Variants in ICE1 observed in about 807,000 individuals in gnomAD.
ICE1 encodes interactor of little elongation complex ELL subunit 1.
A neutral mutation model predicts 192.7 loss-of-function variants in ICE1; 64 were observed. The observed-to-expected ratio is 0.33, with a 90% CI of 0.27 to 0.41. ICE1 has a LOEUF of 0.41. Among genes scored for constraint, ICE1 ranks in the 10% least tolerant of loss-of-function variants. ICE1 has a pLI of 1.00. For missense variants in ICE1, 2,708 were observed against 2,696.0 expected (o/e 1.00, Z -0.10); for synonymous variants, 1,010 against 984.5 (o/e 1.03, Z -0.49).
At chr5:5,439,713 A>G (rs1236480488) in intron 3 of ICE1, among the ~76,000 whole-genome samples, 182 bp from the exon 4 acceptor site, 1 of 152,224 alleles carries the variant, frequency 6.6e-6, no homozygotes, top group Non-Finnish European at 1.5e-5. Flanking sequence ...AAATGGAAAT[A>G]ACTCAGTAAA....
At chr5:5,471,979 T>C (rs1251487598) in intron 15 of ICE1, among the ~76,000 whole-genome samples, 1 of 152,120 alleles carries the variant, frequency 6.6e-6, no homozygotes. Flanking sequence ...ATAAACCTTT[T>C]AAAAAAGCAT....
intron 14 of ICE1, among the ~76,000 whole-genome samples, chr5:5,468,434 G>A (rs1224220925): frequency 6.6e-6 from 1 of 152,174 alleles, no homozygotes; most frequent in Non-Finnish European, 1.5e-5. Flanking sequence ...GACAAAGAGT[G>A]TAGGAGAAAG....
At position 5,447,455 on chromosome 5, in the gene ICE1, C is replaced by T; in HGVS notation, c.453C>T (p.Phe151=). 6.4e-7 allele frequency: 1 copy of T among 1,552,816 alleles called. No homozygotes were observed. Among genetic ancestry groups the T allele is most frequent in the Non-Finnish European group, 8.7e-7 (1 of 1,147,530 alleles). The change falls in exon 8 of 19, where the codon TTC becomes TTT. Residue 151 remains phenylalanine (F), a synonymous_variant. Transcript: ENST00000296564. ...QEAAVKQTQD[F]KQLRNEKKIL... ...CTGCTGTCAAGCAAACTCAGGACTT[C>T]AAGCAACTGAGAAATGAAAAGAAAA... is the stretch of plus-strand genomic sequence containing the variant.
In ICE1 at chr5:5,468,895, A is replaced by G. The variant is rs763480316; in HGVS notation, c.6129A>G (p.Gln2043=). The change falls in exon 15 of 19, where the codon CAA becomes CAG. Residue 2043 remains glutamine (Q), a synonymous_variant. Coordinates refer to ENST00000296564, the MANE Select transcript of ICE1 (RefSeq NM_015325.3). ...ANMWHDIFLS[Q]SVINKAMQLV... ...TGTGGCATGATATATTTCTCTCTCA[A>G]TCGGTGATTAATAAAGCAATGCAGT... 8.1e-6 allele frequency: 13 copies of G among 1,606,878 alleles called. No individual in the cohort carries two copies. The African/African-American group carries it at 1.1e-4, about 13-fold the overall frequency.
chr5:5,456,463 T>G (rs976613590), intron 11 of ICE1, among the ~76,000 whole-genome samples: 9 of 152,248 alleles, frequency 5.9e-5, no homozygotes, highest in Non-Finnish European at 1.0e-4. Context: ...CATTTATTAC[T>G]TGTTTACATC....
chr5:5,436,478 T>C lies in ICE1; in HGVS notation c.143+2T>C. 1 of 1,457,044 alleles carries C rather than the reference T, an allele frequency of 6.9e-7. No homozygotes were observed. The highest frequency in any genetic ancestry group is 1.4e-5 in the South Asian group (1 of 69,942). 90.3% of individuals were successfully genotyped at this position (1,457,044 alleles called of 1,614,324 possible). On this transcript the variant is annotated splice_donor_variant, in intron 2 of 18. Transcript: ENST00000296564. LOFTEE classifies it high-confidence loss of function. ...GAAACAAAAAATTATCAATACAGAG[T>C]AAGTATATTTGCATGTCGTTTGGCA...
At chr5:5,480,820 A>G (rs1739483406) in intron 17 of ICE1, among the ~76,000 whole-genome samples, 3 of 152,258 alleles carry the variant, frequency 2.0e-5, no homozygotes, top group South Asian at 2.1e-4. Flanking sequence ...ACACTTGGAG[A>G]TAAGTTACCA....
At chr5:5,470,800 T>C (rs1226622054) in intron 15 of ICE1, among the ~76,000 whole-genome samples, 2 of 152,194 alleles carry the variant, frequency 1.3e-5, no homozygotes, top group African/African-American at 2.4e-5. Context: ...TACTTTGAAA[T>C]TGAGATATAC....
At chr5:5,441,524 CT>C (rs1199601512) in intron 5 of ICE1, among the ~76,000 whole-genome samples, 2 of 152,036 alleles carry the variant, frequency 1.3e-5, no homozygotes, top group African/African-American at 2.4e-5. Context: ...ATTTTTATAC[CT>C]TTGTTTTTTG....
chr5:5,449,636 C>T (rs1445559331), intron 10 of ICE1, among the ~76,000 whole-genome samples: 1 of 152,048 alleles, frequency 6.6e-6, no homozygotes, highest in Non-Finnish European at 1.5e-5. Flanking sequence ...GCGAGTTTCC[C>T]CAAATCAGAG....
intron 10 of ICE1, among the ~76,000 whole-genome samples, chr5:5,451,576 G>T (rs1336073399): frequency 6.6e-6 from 1 of 152,106 alleles, no homozygotes; most frequent in Admixed American, 6.6e-5. Flanking sequence ...TTCATATTCA[G>T]ATGTGAAAAT....
At chr5:5,453,921 T>C in intron 10 of ICE1, among the ~76,000 whole-genome samples, 1 of 152,212 alleles carries the variant, frequency 6.6e-6, no homozygotes, top group East Asian at 1.9e-4. Flanking sequence ...GGTTTTACTT[T>C]CCTTATAAAA....
rs750662473 is a variant in ICE1, at chr5:5,422,910, G to A, written c.-6G>A. ...GTGCGTGCCCACCGGGCCCGGCGGC[G>A]GCACCATGATGCCGGGCGAGACCCA... On this transcript the variant is annotated 5_prime_UTR_variant, in exon 1 of 19. Coordinates refer to ENST00000296564, the MANE Select transcript of ICE1 (RefSeq NM_015325.3). 1 of 1,393,196 alleles carries A rather than the reference G, an allele frequency of 7.2e-7. No individual in the cohort carries two copies. Among genetic ancestry groups the A allele is most frequent in the South Asian group, 1.6e-5 (1 of 64,384 alleles). 86.3% of individuals were successfully genotyped at this position (1,393,196 alleles called of 1,614,324 possible). A position where few individuals can be genotyped will look rare whatever the true frequency, so the allele number is the denominator to read the frequency against.
rs139083560 is a variant in ICE1 at position 5,435,674 on chromosome 5, T to TTTG, written c.85-742_85-741insGTT. Among the ~76,000 whole-genome samples the TTTG allele has an allele frequency of 5.4e-4, 33 of 61,268 alleles. 1 individual carries two copies. The highest frequency in any genetic ancestry group is 9.6e-4 in the East Asian group (1 of 1,046). The allele number at this position is 61,268 out of a possible 152,430, so 40.2% of individuals were successfully genotyped here. ...AAATTTGTGTTTTTTTTTTTTTTTG[T>TTTG]TTTGTTTTTGTTTTTTTTTTCGAGA... is the stretch of plus-strand genomic sequence containing the variant. On this transcript the variant is annotated intron_variant, in intron 1 of 18. Transcript: ENST00000296564.
In ICE1 at chr5:5,462,401, G is replaced by C; in HGVS notation, c.3067G>C (p.Asp1023His). The change falls in exon 13 of 19, where the codon GAC becomes CAC. Residue 1023 changes from aspartate (D) to histidine (H), a missense_variant. Physicochemically the swap from Asp to His is moderately conservative, Grantham distance 81 (BLOSUM62 -1). Around this residue, in one of 2 missense-constraint regions of ICE1, gnomAD observed 2,366 missense variants for 2,276.6 expected, o/e 1.04. Transcript: ENST00000296564. ...TTCTGTTGAAGAAACCAGCTGTGGA[G>C]ACACAGGGAGATCTGGTGGTGAGGC... The part of the protein sequence containing the change: ...GFSVEETSCG[D>H]TGRSGGEALA... 1 of 1,614,056 alleles carries C rather than the reference G, an allele frequency of 6.2e-7. No individual in the cohort carries two copies. Among genetic ancestry groups the C allele is most frequent in the Non-Finnish European group, 8.5e-7 (1 of 1,179,910 alleles).
In ICE1 at chr5:5,460,523, A is replaced by G. The variant is rs1378279408; in HGVS notation, c.1189A>G (p.Thr397Ala). 2 of 1,612,038 alleles carry G rather than the reference A, an allele frequency of 1.2e-6. No individual in the cohort carries two copies. The highest frequency in any genetic ancestry group is 1.1e-5 in the South Asian group (1 of 90,590). The change falls in exon 13 of 19, where the codon ACA becomes GCA. Residue 397 changes from threonine (T) to alanine (A), a missense_variant. Thr to Ala is a moderately conservative substitution (Grantham distance 58, BLOSUM62 0). Around this residue, in one of 2 missense-constraint regions of ICE1, gnomAD observed 2,366 missense variants for 2,276.6 expected, o/e 1.04. Coordinates refer to ENST00000296564, the MANE Select transcript of ICE1 (RefSeq NM_015325.3). Reference sequence around the variant, plus strand: ...TGCTGAGTGTGTTTCAGAAGATGATACAACTGAATCACAGAATTATTTTGG... The same window carrying G: ...TGCTGAGTGTGTTTCAGAAGATGATGCAACTGAATCACAGAATTATTTTGG... Reference protein sequence around the residue: ...NSAECVSEDDTTESQNYFGSL... With the variant: ...NSAECVSEDDATESQNYFGSL...
intron 12 of ICE1, among the ~76,000 whole-genome samples, chr5:5,460,023 TCAGA>T (rs1199750104): frequency 6.6e-6 from 1 of 151,942 alleles, no homozygotes; most frequent in Non-Finnish European, 1.5e-5. Flanking sequence ...CGGGCACAAG[TCAGA>T]CACACCAGAG....
chr5:5,447,423 A>T lies in ICE1; in HGVS notation c.425-4A>T, dbSNP rs1319921895. The T allele has an allele frequency of 6.5e-7, 1 of 1,547,400 alleles. No individual in the cohort carries two copies. The highest frequency in any genetic ancestry group is 1.2e-5 in the South Asian group (1 of 83,624). The stretch of plus-strand genomic sequence containing the variant: ...CTCTCCCTATTGCTTCATTGGACTT[A>T]AAGAGGCTGCTGTCAAGCAAACTCA... On this transcript the variant is annotated splice_region_variant and splice_polypyrimidine_tract_variant and intron_variant, in intron 7 of 18. Coordinates refer to ENST00000296564, the MANE Select transcript of ICE1 (RefSeq NM_015325.3).
chr5:5,484,049 T>C (rs1475794925), intron 17 of ICE1, among the ~76,000 whole-genome samples: 1 of 152,214 alleles, frequency 6.6e-6, no homozygotes, highest in Non-Finnish European at 1.5e-5. Flanking sequence ...GATTGCATTG[T>C]CATGGACGTT....
Sources: allele counts gnomAD v4.1 joint callset (sites outside exome capture counted in the v4.1 genomes callset), GRCh38; gene constraint gnomAD v4.1.1; regional missense constraint gnomAD v4.1.1; transcripts MANE v1.5; gene names NCBI Gene and HGNC (gene_info 2026-07-23, HGNC 2026-07-21).